The following SMOC1 variants were observed in gnomAD, a reference collection of about 807,000 sequenced individuals.
SMOC1 encodes SPARC-related modular calcium-binding protein 1.
SMOC1 carries 22 observed loss-of-function variants against 56.3 expected under a neutral mutation model. The observed-to-expected ratio is 0.39, with a 90% CI of 0.28 to 0.56. The LOEUF is 0.56. Ranked by LOEUF, SMOC1 falls within the 20% of genes least tolerant of loss-of-function variation. SMOC1 has a pLI of 0.61. For synonymous variants in SMOC1, 193 were observed against 215.0 expected, an observed-to-expected ratio of 0.90 and a Z score of 0.89; for missense variants, 509 against 565.4, an observed-to-expected ratio of 0.90 and a Z score of 1.01.
intron 1 of SMOC1, among the ~76,000 whole-genome samples, chr14:69,884,961 C>A (rs1318371913): frequency 1.3e-5 from 2 of 151,784 alleles, no homozygotes; most frequent in Non-Finnish European, 2.9e-5. Context: ...TTTTCTATTT[C>A]TATGAAGAAC....
chr14:69,883,158 T>A (rs1883690848), intron 1 of SMOC1, among the ~76,000 whole-genome samples: 1 of 152,246 alleles, frequency 6.6e-6, no homozygotes, highest in Non-Finnish European at 1.5e-5. Context: ...TAACATCCAC[T>A]CTTTGCATTT....
intron 5 of SMOC1, among the ~76,000 whole-genome samples, chr14:69,983,365 T>C (rs1884248019): frequency 6.6e-6 from 1 of 152,250 alleles, no homozygotes; most frequent in African/African-American, 2.4e-5. Flanking sequence ...AGGCTTGTTA[T>C]CGTCACTAAG....
intron 1 of SMOC1, among the ~76,000 whole-genome samples, chr14:69,941,147 G>A (rs1199066982): frequency 6.6e-6 from 1 of 152,096 alleles, no homozygotes; most frequent in African/African-American, 2.4e-5. Flanking sequence ...ATCCCGCCCT[G>A]CCCTACCTAG....
chr14:69,882,660 T>C (rs1883676257), intron 1 of SMOC1, among the ~76,000 whole-genome samples: 2 of 152,030 alleles, frequency 1.3e-5, no homozygotes, highest in Admixed American at 6.6e-5. Flanking sequence ...GAGGATGGGA[T>C]GGGGGAGGGG....
In SMOC1 at chr14:69,918,519, C is replaced by T. The variant is rs78698113; in HGVS notation, c.100-33619C>T. On this transcript the variant is annotated intron_variant, in intron 1 of 11. Coordinates refer to ENST00000361956, the MANE Select transcript of SMOC1 (RefSeq NM_001034852.3). ...CTAGGATTACAGGTGTGAGCCACCA[C>T]GCTCGGCTGATCCTGTCTATTTTGA... is the stretch of plus-strand genomic sequence containing the variant. Among the ~76,000 whole-genome samples, 957 of 152,272 alleles carry T rather than the reference C, an allele frequency of 6.3e-3. 11 individuals are homozygous for T. Among genetic ancestry groups the T allele is most frequent in the African/African-American group, 0.021 (879 of 41,558 alleles).
intron 10 of SMOC1, among the ~76,000 whole-genome samples, chr14:70,020,579 G>T (rs1566713939): frequency 6.6e-6 from 1 of 152,146 alleles, no homozygotes; most frequent in Non-Finnish European, 1.5e-5. Flanking sequence ...GCACTACCTG[G>T]AGGGGCTCAG....
chr14:69,923,051 T>C (rs971985556), intron 1 of SMOC1, among the ~76,000 whole-genome samples: 10 of 152,004 alleles, frequency 6.6e-5, no homozygotes, highest in Non-Finnish European at 1.3e-4. Flanking sequence ...TTCACGCCAT[T>C]CTCCTGCCTC....
At chr14:69,976,817 G>A (rs227444) in intron 4 of SMOC1, among the ~76,000 whole-genome samples, 1 of 152,006 alleles carries the variant, frequency 6.6e-6, no homozygotes, top group Non-Finnish European at 1.5e-5. Context: ...TGCTAAAACC[G>A]ATGGGAAATT....
At chr14:69,883,072 A>G (rs145608694) in intron 1 of SMOC1, among the ~76,000 whole-genome samples, 137 of 152,378 alleles carry the variant, frequency 9.0e-4, no homozygotes, top group East Asian at 8.9e-3. Context: ...GTATATATAC[A>G]TTATGAAATA....
chr14:69,987,907 T>G (rs547657095), intron 5 of SMOC1, among the ~76,000 whole-genome samples: 3 of 152,294 alleles, frequency 2.0e-5, no homozygotes, highest in Admixed American at 6.5e-5. Context: ...TGCAACTTTC[T>G]GGGGCTGCAC....
In SMOC1 at chr14:69,879,783, T is replaced by C. The variant is rs754218284; in HGVS notation, c.99+6T>C. 22 of 1,582,990 alleles carry C rather than the reference T, an allele frequency of 1.4e-5. No individual in the cohort carries two copies. The highest frequency in any genetic ancestry group is 1.7e-5 in the Admixed American group (1 of 57,690). On this transcript the variant is annotated splice_donor_region_variant and intron_variant, in intron 1 of 11. Transcript: ENST00000361956. ...ACCGCACCACAGGCCCCAGGGTAAG[T>C]GCGCCCCCAGCTTTGCGCCCACCTG...
intron 1 of SMOC1, among the ~76,000 whole-genome samples, chr14:69,938,292 G>T (rs1401925901): frequency 3.9e-5 from 6 of 152,164 alleles, no homozygotes; most frequent in African/African-American, 1.4e-4. Flanking sequence ...AATTTGTGTG[G>T]CAGTCTTTTA....
chr14:69,881,884 C>CA (rs1883650780), intron 1 of SMOC1, among the ~76,000 whole-genome samples: 1 of 152,166 alleles, frequency 6.6e-6, no homozygotes, highest in Non-Finnish European at 1.5e-5. Flanking sequence ...TTACAGATGA[C>CA]AAAGTGAGAC....
intron 7 of SMOC1, among the ~76,000 whole-genome samples, chr14:69,997,037 C>T (rs1447745534): frequency 6.6e-6 from 1 of 152,180 alleles, no homozygotes; most frequent in African/African-American, 2.4e-5. Flanking sequence ...CCTGTATGGC[C>T]TGCAAAGCCT....
rs551534010 is a variant in SMOC1 at position 69,921,642 on chromosome 14, G to A, written c.100-30496G>A. Reference sequence around the variant, plus strand: ...TTGTATTCTGGGGAGGGTGAGGGCTGACATAAACCTTAGGAGAATCTTATG... The same window carrying A: ...TTGTATTCTGGGGAGGGTGAGGGCTAACATAAACCTTAGGAGAATCTTATG... On this transcript the variant is annotated intron_variant, in intron 1 of 11. Coordinates refer to ENST00000361956, the MANE Select transcript of SMOC1 (RefSeq NM_001034852.3). 3.3e-5 allele frequency among the ~76,000 whole-genome samples: 5 copies of A among 152,298 alleles called. No individual in the cohort carries two copies. In the South Asian group the frequency reaches 1.0e-3, roughly 32 times the overall value.
At chr14:69,991,112 C>T (rs1043806634) in intron 5 of SMOC1, among the ~76,000 whole-genome samples, 25 of 152,172 alleles carry the variant, frequency 1.6e-4, no homozygotes, top group Non-Finnish European at 2.8e-4. Context: ...ACTGGCGTCA[C>T]AGAGACTATC....
chr14:69,904,939 A>G (rs541936676), intron 1 of SMOC1, among the ~76,000 whole-genome samples: 15 of 152,232 alleles, frequency 9.9e-5, no homozygotes, highest in African/African-American at 3.4e-4. Context: ...ACTGCCCATC[A>G]TGTTTATTTC....
At chr14:69,910,567 G>C (rs1346068481) in intron 1 of SMOC1, among the ~76,000 whole-genome samples, 3 of 151,756 alleles carry the variant, frequency 2.0e-5, no homozygotes, top group East Asian at 3.9e-4. Flanking sequence ...AGAGAATGTG[G>C]AGAGTGGCTT....
At chr14:69,907,834 G>A (rs1884450820) in intron 1 of SMOC1, among the ~76,000 whole-genome samples, 1 of 152,208 alleles carries the variant, frequency 6.6e-6, no homozygotes, top group Non-Finnish European at 1.5e-5. Flanking sequence ...CTTATAGAGA[G>A]CTTCTTTATA....
Sources: gnomAD v4.1 joint callset for allele counts (sites outside exome capture counted in the v4.1 genomes callset) on GRCh38, gnomAD v4.1.1 for gene constraint, MANE v1.5 for transcripts, NCBI Gene and HGNC (gene_info 2026-07-23, HGNC 2026-07-21) for gene names.